The following UCK1 variants were observed in gnomAD, a reference collection of about 807,000 sequenced individuals.
UCK1 encodes cytidine monophosphokinase 1.
In UCK1, 20 loss-of-function variants were observed where a neutral mutation model predicts 34.0. The observed-to-expected ratio is 0.59, with a 90% confidence interval of 0.41 to 0.86. The LOEUF (loss-of-function observed/expected upper bound fraction) is 0.86, where lower values mean the gene tolerates loss of function less well. Among genes scored for constraint, UCK1 ranks in the 40% least tolerant of loss-of-function variants. UCK1 has a pLI of 0.00. For synonymous variants in UCK1, 168 were observed against 155.9 expected, an observed-to-expected ratio of 1.08 and a Z score of -0.58; for missense variants, 343 against 383.6, an observed-to-expected ratio of 0.89 and a Z score of 0.88.
rs542537814 is a variant in UCK1 at position 131,524,708 on chromosome 9, TCTC to T, written c.*329_*331del. 408 of 261,028 alleles carry T rather than the reference TCTC, an allele frequency of 1.6e-3. 3 individuals are homozygous for T. The highest frequency in any genetic ancestry group is 8.4e-3 in the African/African-American group (378 of 44,756). The allele number at this position is 261,028 out of a possible 1,614,324, so 16.2% of individuals were successfully genotyped here. ...ATCAGGCCAGCCAGTGTCTAGGCTG[TCTC>T]CTCAATTTCCCCAATAATGTGCCTC... On this transcript the variant is annotated 3_prime_UTR_variant, in exon 7 of 7. Coordinates refer to ENST00000372215, the MANE Select transcript of UCK1 (RefSeq NM_031432.5).
In UCK1 at chr9:131,523,973, C is replaced by G. The variant is rs529104087; in HGVS notation, c.*1067G>C. ...GGACGGGGGCTGGGGCTGCCCATGG[C>G]AGCGGCAAGGGATGCTTTCCAGAGA... On this transcript the variant is annotated 3_prime_UTR_variant, in exon 7 of 7. Transcript: ENST00000372215. The G allele has an allele frequency of 6.6e-6, 1 of 152,458 alleles. No homozygotes were observed. The highest frequency in any genetic ancestry group is 2.4e-5 in the African/African-American group (1 of 41,582). The allele number at this position is 152,458 out of a possible 1,614,324, so 9.4% of individuals were successfully genotyped here.
rs552704233 is a variant in UCK1 at position 131,524,973 on chromosome 9, C to T, written c.*67G>A. 2.3e-5 allele frequency: 36 copies of T among 1,544,744 alleles called. No homozygotes were observed. The highest frequency in any genetic ancestry group is 3.1e-5 in the Non-Finnish European group (35 of 1,142,268). On this transcript the variant is annotated 3_prime_UTR_variant, in exon 7 of 7. Transcript: ENST00000372215. ...AGAGGAAGCAGTGGGTGTGGGTGGG[C>T]GTCCCCAGGCTCAGTCCCTGAACAC... is the stretch of plus-strand genomic sequence containing the variant.
intron 2 of UCK1, among the ~76,000 whole-genome samples, chr9:131,529,868 T>C (rs1325511456): frequency 6.6e-6 from 1 of 152,318 alleles, no homozygotes; most frequent in East Asian, 1.9e-4. Flanking sequence ...CAGCTCTTCC[T>C]GGGAGGTGGG....
intron 2 of UCK1, among the ~76,000 whole-genome samples, chr9:131,530,102 C>T (rs867883402): frequency 6.6e-6 from 1 of 151,898 alleles, no homozygotes; most frequent in Non-Finnish European, 1.5e-5. Flanking sequence ...ACACTGGCCT[C>T]TCTGAGGACT....
intron 5 of UCK1, among the ~76,000 whole-genome samples, chr9:131,526,731 C>T (rs1362942665): frequency 6.6e-6 from 1 of 152,162 alleles, no homozygotes; most frequent in Non-Finnish European, 1.5e-5. Flanking sequence ...GTCAAGAAGG[C>T]GGCAGAAGAG....
At chr9:131,526,152 G>T in intron 5 of UCK1, 175 bp from the exon 6 acceptor site, 1 of 770,646 alleles carries the variant, frequency 1.3e-6, no homozygotes, top group South Asian at 1.6e-5. Flanking sequence ...GAGAGGCCAT[G>T]ATCCAAGAAG....
intron 2 of UCK1, among the ~76,000 whole-genome samples, chr9:131,529,955 G>A (rs1483007592): frequency 1.3e-5 from 2 of 152,104 alleles, no homozygotes; most frequent in Non-Finnish European, 2.9e-5. Context: ...CTTCCCACAA[G>A]TCCTTGGGAA....
At position 131,523,895 on chromosome 9, in the gene UCK1, C is replaced by T. The variant is rs1369023443; in HGVS notation, c.*1145G>A. 1 of 152,676 alleles carries T rather than the reference C, an allele frequency of 6.5e-6. No individual in the cohort carries two copies. The highest frequency in any genetic ancestry group is 1.5e-5 in the Non-Finnish European group (1 of 68,398). 9.5% of individuals were successfully genotyped at this position (152,676 alleles called of 1,614,324 possible). A position where few individuals can be genotyped will look rare whatever the true frequency, so the allele number is the denominator to read the frequency against. On this transcript the variant is annotated 3_prime_UTR_variant, in exon 7 of 7. Transcript: ENST00000372215. ...GTTGTCAGAACCCAGCCACAGGGCT[C>T]AGCCCCCTTCCCCCACGTCACGTCT...
intron 1 of UCK1, 123 bp downstream of exon 1, chr9:131,530,944 C>T: frequency 9.9e-7 from 1 of 1,006,706 alleles, no homozygotes; most frequent in Non-Finnish European, 1.3e-6. Flanking sequence ...GCAGCCCCTT[C>T]GCTCCCGCGC....
At chr9:131,526,998 G>A (rs1347160900) in intron 5 of UCK1, among the ~76,000 whole-genome samples, 2 of 152,180 alleles carry the variant, frequency 1.3e-5, no homozygotes, top group East Asian at 1.9e-4. Flanking sequence ...TGAAGGTGAA[G>A]GAAAAGGAGG....
At chr9:131,530,273 A>G (rs951146985) in intron 2 of UCK1, among the ~76,000 whole-genome samples, 5 of 152,210 alleles carry the variant, frequency 3.3e-5, no homozygotes, top group African/African-American at 1.2e-4. Flanking sequence ...GACTGGCTCC[A>G]ACCACGCTCC....
rs563617225 is a variant in UCK1 at position 131,529,514 on chromosome 9, C to T, written c.339G>A (p.Pro113=). 83 of 1,614,046 alleles carry T rather than the reference C, an allele frequency of 5.1e-5. No homozygotes were observed. In the East Asian group the frequency reaches 1.5e-3, roughly 29 times the overall value. ...NIVEGKTVEV[P]TYDFVTHSRL... ...TTGAGTGTGTCACAAAATCATAGGT[C>T]GGCACCTCCACCGTTTTGCCCTCCA... Residue 113 remains proline (P), a synonymous_variant, in exon 3 of 7, where the codon CCG becomes CCA. Coordinates refer to ENST00000372215, the MANE Select transcript of UCK1 (RefSeq NM_031432.5).
rs1473087477 is a variant in UCK1 at position 131,524,873 on chromosome 9, G to A, written c.*167C>T. 5 of 774,734 alleles carry A rather than the reference G, an allele frequency of 6.5e-6. No homozygotes were observed. The highest frequency in any genetic ancestry group is 7.9e-6 in the Non-Finnish European group (4 of 506,800). 48.0% of individuals were successfully genotyped at this position (774,734 alleles called of 1,614,324 possible). ...GCCTGTCAGTGTCCCAGCAAGTTGA[G>A]TCTGAGTGACACATCTGAGTTTCCA... On this transcript the variant is annotated 3_prime_UTR_variant, in exon 7 of 7. Transcript: ENST00000372215.
Position 131,531,163 on chromosome 9 carries a change from C to G in UCK1, c.12G>C (p.Ala4=). ...CGGGGCTCTCGCAGTCTTCGCCTCC[C>G]GCCGAAGCCATCTCGGCCTCCGCTC... MAS[A]GGEDCESPAP... Residue 4 remains alanine, a synonymous_variant, in exon 1 of 7, where the codon GCG becomes GCC. Coordinates refer to ENST00000372215, the MANE Select transcript of UCK1 (RefSeq NM_031432.5). 1.4e-6 allele frequency: 2 copies of G among 1,423,860 alleles called. No homozygotes were observed. Among genetic ancestry groups the G allele is most frequent in the Non-Finnish European group, 1.8e-6 (2 of 1,089,690 alleles). The allele number at this position is 1,423,860 out of a possible 1,614,324, so 88.2% of individuals were successfully genotyped here.
intron 5 of UCK1, chr9:131,526,379 G>A (rs1950604350): frequency 7.9e-7 from 1 of 1,258,678 alleles, no homozygotes; most frequent in African/African-American, 1.5e-5. Context: ...AAATACCCTG[G>A]CACAGCAACA....
At position 131,530,621 on chromosome 9, in the gene UCK1, C is replaced by G; in HGVS notation, c.133G>C (p.Glu45Gln). The change falls in exon 2 of 7, where the codon GAG becomes CAG. Residue 45 changes from glutamate (E) to glutamine (Q), a missense_variant. Transcript: ENST00000372215. ...TCCACCTCGTTCTGTCCCAGCAACTCCATGATCTTCTCACACACGGTCGAC... is the reference window on the plus strand; with the variant it reads ...TCCACCTCGTTCTGTCCCAGCAACTGCATGATCTTCTCACACACGGTCGAC... ...GKSTVCEKIM[E>Q]LLGQNEVEQR... 1 of 1,614,260 alleles carries G rather than the reference C, an allele frequency of 6.2e-7. No homozygotes were observed. Among genetic ancestry groups the G allele is most frequent in the Non-Finnish European group, 8.5e-7 (1 of 1,180,042 alleles).
intron 5 of UCK1, 119 bp from the exon 6 acceptor site, chr9:131,526,096 T>A: frequency 8.7e-7 from 1 of 1,149,874 alleles, no homozygotes; most frequent in Non-Finnish European, 1.3e-6. Context: ...GAGGTGCTGG[T>A]GTCATCGGCA....
At position 131,531,215 on chromosome 9, in the gene UCK1, C is replaced by A; in HGVS notation, c.-41G>T. On this transcript the variant is annotated 5_prime_UTR_variant, in exon 1 of 7. Coordinates refer to ENST00000372215, the MANE Select transcript of UCK1 (RefSeq NM_031432.5). ...CGCGCATCGGGTCCCCGCGCCCGCC[C>A]CTTCCCCAGGCCCGGCGCGCCCGCC... 7.4e-7 allele frequency: 1 copy of A among 1,351,514 alleles called. No individual in the cohort carries two copies. The highest frequency in any genetic ancestry group is 9.5e-7 in the Non-Finnish European group (1 of 1,052,180). 83.7% of individuals were successfully genotyped at this position (1,351,514 alleles called of 1,614,324 possible).
At position 131,525,085 on chromosome 9, in the gene UCK1, G is replaced by GGT. The variant is rs1950534006; in HGVS notation, c.787_788dup (p.Ser264ProfsTer78). On this transcript the variant is annotated frameshift_variant, in exon 7 of 7. Coordinates refer to ENST00000372215, the MANE Select transcript of UCK1 (RefSeq NM_031432.5). LOFTEE classifies it high-confidence loss of function. The stretch of plus-strand genomic sequence containing the variant: ...ACTCCAAATGTGACCGTTTGCCAGA[G>GGT]GTCAGCATCCCAGGGTGGTCCCCTG... The GGT allele has an allele frequency of 6.2e-7, 1 of 1,613,552 alleles. No homozygotes were observed. The highest frequency in any genetic ancestry group is 1.1e-5 in the South Asian group (1 of 91,086).
Sources: gnomAD v4.1 joint callset for allele counts (sites outside exome capture counted in the v4.1 genomes callset) on GRCh38, gnomAD v4.1.1 for gene constraint, MANE v1.5 for transcripts, NCBI Gene and HGNC (gene_info 2026-07-23, HGNC 2026-07-21) for gene names.